The following ITK variants were observed in gnomAD, a reference collection of about 807,000 sequenced individuals.
The protein encoded by ITK is IL2 inducible T cell kinase, also known as tyrosine-protein kinase ITK/TSK.
ITK carries 45 observed loss-of-function variants against 87.6 expected under a neutral mutation model. That is an observed-to-expected ratio of 0.51 (90% CI 0.40 to 0.66). The LOEUF (loss-of-function observed/expected upper bound fraction) is 0.66. Ranked by LOEUF, ITK falls within the 30% of genes least tolerant of loss-of-function variation. The pLI is 0.00. For missense variants in ITK, 605 were observed against 766.3 expected (o/e 0.79, Z 2.48); for synonymous variants, 303 against 273.6 (o/e 1.11, Z -1.06).
At chr5:157,233,446 G>T (rs1417317579) in intron 8 of ITK, among the ~76,000 whole-genome samples, 4 of 152,298 alleles carry the variant, frequency 2.6e-5, no homozygotes, top group African/African-American at 7.2e-5. Flanking sequence ...TCTCTCCTTG[G>T]CTCTACATCA....
At chr5:157,191,461 CA>C (rs946345160) in intron 1 of ITK, among the ~76,000 whole-genome samples, 1 of 151,860 alleles carries the variant, frequency 6.6e-6, no homozygotes, top group African/African-American at 2.4e-5. Context: ...CTCATATTGT[CA>C]AAAAAAATTA....
intron 1 of ITK, chr5:157,199,673 G>A (rs375062783): frequency 7.6e-4 from 115 of 152,192 alleles, no homozygotes; most frequent in African/African-American, 2.7e-3. Flanking sequence ...GCTCTTCTAC[G>A]TATTAAGAGG....
At position 157,254,362 on chromosome 5, in the gene ITK, T is replaced by C. The variant is rs559139211; in HGVS notation, c.*1684T>C. 1 of 224,168 alleles carries C rather than the reference T, an allele frequency of 4.5e-6. No homozygotes were observed. Among genetic ancestry groups the C allele is most frequent in the African/African-American group, 2.2e-5 (1 of 44,902 alleles). 13.9% of individuals were successfully genotyped at this position (224,168 alleles called of 1,614,324 possible). A position where few individuals can be genotyped will look rare whatever the true frequency, so the allele number is the denominator to read the frequency against. ...TCTCACAACCAACCAGTCATGTTGC[T>C]TGAAGCCATTTATAGACGAGCTTCA... On this transcript the variant is annotated 3_prime_UTR_variant, in exon 17 of 17. Transcript: ENST00000422843.
At chr5:157,241,578 T>G (rs931548218) in intron 10 of ITK, 68 bp from the exon 11 acceptor site, 16 of 1,043,310 alleles carry the variant, frequency 1.5e-5, no homozygotes, top group African/African-American at 3.1e-5. Flanking sequence ...TTTTTTTTAG[T>G]GATTTAAGTT....
intron 16 of ITK, among the ~76,000 whole-genome samples, 183 bp downstream of exon 16, chr5:157,249,190 G>A (rs1755091053): frequency 1.3e-5 from 2 of 152,218 alleles, no homozygotes; most frequent in African/African-American, 2.4e-5. Context: ...GGAGCTGAAG[G>A]CGACCTTAAA....
chr5:157,249,931 AT>A (rs955364985), intron 16 of ITK, among the ~76,000 whole-genome samples: 7 of 152,150 alleles, frequency 4.6e-5, no homozygotes, highest in African/African-American at 1.7e-4. Context: ...TCATTTATTG[AT>A]TTTTTTAAAT....
intron 1 of ITK, among the ~76,000 whole-genome samples, chr5:157,182,762 T>C (rs1753562981): frequency 6.6e-6 from 1 of 152,238 alleles, no homozygotes; most frequent in Non-Finnish European, 1.5e-5. Context: ...CAGTTCGTTT[T>C]TCTGATTCAA....
At chr5:157,215,094 C>G (rs1397499328) in intron 4 of ITK, among the ~76,000 whole-genome samples, 1 of 152,198 alleles carries the variant, frequency 6.6e-6, no homozygotes, top group Non-Finnish European at 1.5e-5. Context: ...TCTTGTTCCT[C>G]TCAACCATCT....
intron 6 of ITK, among the ~76,000 whole-genome samples, chr5:157,226,794 T>A (rs771243662): frequency 5.0e-4 from 75 of 150,376 alleles, no homozygotes; most frequent in Non-Finnish European, 9.8e-4. Flanking sequence ...CTTTTTTTGT[T>A]TTGTTTTGTT....
In ITK at chr5:157,241,732, A is replaced by C. The variant is rs765303299; in HGVS notation, c.1060+12A>C. ...AGGGCTGAGATACGGTGAGCAGTAC[A>C]ATCAGGAATGTAAACTCATGTCCCT... is the stretch of plus-strand genomic sequence containing the variant. On this transcript the variant is annotated intron_variant, in intron 11 of 16. Coordinates refer to ENST00000422843, the MANE Select transcript of ITK (RefSeq NM_005546.4). The C allele has an allele frequency of 2.9e-5, 46 of 1,606,842 alleles. No homozygotes were observed. The highest frequency in any genetic ancestry group is 5.0e-5 in the Admixed American group (3 of 60,000).
chr5:157,185,495 C>T (rs1355210692), intron 1 of ITK, among the ~76,000 whole-genome samples: 1 of 152,074 alleles, frequency 6.6e-6, no homozygotes, highest in Non-Finnish European at 1.5e-5. Flanking sequence ...CCACCTCGGC[C>T]TCCCAAAGTG....
At chr5:157,219,393 G>T (rs115038939) in intron 5 of ITK, among the ~76,000 whole-genome samples, 2 of 152,132 alleles carry the variant, frequency 1.3e-5, no homozygotes, top group African/African-American at 4.8e-5. Flanking sequence ...AATTACAGGC[G>T]TGAGCCACTG....
At position 157,217,905 on chromosome 5, in the gene ITK, A is replaced by G. The variant is rs753499830; in HGVS notation, c.493A>G (p.Arg165Gly). The stretch of plus-strand genomic sequence containing the variant: ...TCTTCCTCCTACTCCTGAAGACAAC[A>G]GGGTGAGTGAGAGCGCTAGCTCCGG... Reference protein sequence around the residue: ...KPLPPTPEDNRRPLWEPEETV... With the variant: ...KPLPPTPEDNGRPLWEPEETV... Residue 165 changes from arginine to glycine, a missense_variant and splice_region_variant, in exon 5 of 17, where the codon AGG becomes GGG. Physicochemically the swap from Arg to Gly is moderately radical, Grantham distance 125. Coordinates refer to ENST00000422843, the MANE Select transcript of ITK (RefSeq NM_005546.4). 2 of 1,613,684 alleles carry G rather than the reference A, an allele frequency of 1.2e-6. No homozygotes were observed. The highest frequency in any genetic ancestry group is 1.7e-6 in the Non-Finnish European group (2 of 1,179,714).
intron 7 of ITK, among the ~76,000 whole-genome samples, chr5:157,230,331 A>G (rs1754624595): frequency 6.6e-6 from 1 of 152,218 alleles, no homozygotes; most frequent in African/African-American, 2.4e-5. Context: ...TAAGTTTGAA[A>G]TTATTTAAAA....
rs1428470958 is a variant in ITK, at chr5:157,219,244, C to T, written c.495+1337C>T. Reference sequence around the variant, plus strand: ...TCTCCTGCCTCAGCCTCCTGAGTAGCTGGGATTACAGGCGCTCACCATCAT... The same window carrying T: ...TCTCCTGCCTCAGCCTCCTGAGTAGTTGGGATTACAGGCGCTCACCATCAT... On this transcript the variant is annotated intron_variant, in intron 5 of 16. Transcript: ENST00000422843. Among the ~76,000 whole-genome samples, 5 of 151,806 alleles carry T rather than the reference C, an allele frequency of 3.3e-5. 1 individual carries two copies. The highest frequency in any genetic ancestry group is 7.4e-5 in the Non-Finnish European group (5 of 67,954).
intron 7 of ITK, among the ~76,000 whole-genome samples, chr5:157,228,635 C>CT (rs200214260): frequency 0.016 from 2,478 of 152,102 alleles, 26 homozygotes; most frequent in Non-Finnish European, 0.027. Context: ...AGAAATTTTT[C>CT]TTCTTTAATT....
At chr5:157,202,047 T>G (rs1381353651) in intron 1 of ITK, among the ~76,000 whole-genome samples, 3 of 152,114 alleles carry the variant, frequency 2.0e-5, no homozygotes, top group Non-Finnish European at 1.5e-5. Flanking sequence ...ATGTGCTCAC[T>G]TTTTAGCCCC....
Position 157,244,498 on chromosome 5 carries a change from A to C in ITK, c.1449+20A>C. 1 of 1,396,954 alleles carries C rather than the reference A, an allele frequency of 7.2e-7. No individual in the cohort carries two copies. The highest frequency in any genetic ancestry group is 1.0e-6 in the Non-Finnish European group (1 of 981,690). 86.5% of individuals were successfully genotyped at this position (1,396,954 alleles called of 1,614,324 possible). A position where few individuals can be genotyped will look rare whatever the true frequency, so the allele number is the denominator to read the frequency against. Reference sequence around the variant, plus strand: ...GACTTGGTATGAGCATGCAGGGTGAACACCCACAGGTCCAGGGTAAAGGGA... The same window carrying C: ...GACTTGGTATGAGCATGCAGGGTGACCACCCACAGGTCCAGGGTAAAGGGA... On this transcript the variant is annotated intron_variant, in intron 13 of 16. Transcript: ENST00000422843.
chr5:157,244,075 G>C (rs1444113836), intron 12 of ITK, 187 bp from the exon 13 acceptor site: 2 of 691,348 alleles, frequency 2.9e-6, no homozygotes, highest in Non-Finnish European at 5.2e-6. Flanking sequence ...ACACACAGCT[G>C]ACTCCTTGCC....
Sources: gnomAD v4.1 joint callset for allele counts (sites outside exome capture counted in the v4.1 genomes callset) on GRCh38, gnomAD v4.1.1 for gene constraint, MANE v1.5 for transcripts, NCBI Gene and HGNC (gene_info 2026-07-23, HGNC 2026-07-21) for gene names.